CIAPIN1: variants seen among roughly 807,000 people sequenced by gnomAD.
CIAPIN1 encodes anamorsin.
CIAPIN1 carries 18 observed loss-of-function variants against 34.3 expected under a neutral mutation model. The ratio of observed to expected loss-of-function variants is 0.52; its 90% CI spans 0.36 to 0.78. The LOEUF is 0.78. Ranked by LOEUF, CIAPIN1 falls within the 30% of genes least tolerant of loss-of-function variation. The pLI, the probability that CIAPIN1 is intolerant of heterozygous loss-of-function variation, is 0.00. For synonymous variants in CIAPIN1, 131 were observed against 140.4 expected, an observed-to-expected ratio of 0.93 and a Z score of 0.47; for missense variants, 310 against 372.5, an observed-to-expected ratio of 0.83 and a Z score of 1.38.
chr16:57,444,128 A>C (rs2029957517), intron 1 of CIAPIN1, among the ~76,000 whole-genome samples: 1 of 152,224 alleles, frequency 6.6e-6, no homozygotes, highest in Non-Finnish European at 1.5e-5. Flanking sequence ...CCTTTTCAGC[A>C]ACATTTACGG....
chr16:57,446,403 G>T (rs75700677), intron 1 of CIAPIN1, among the ~76,000 whole-genome samples: 1 of 152,114 alleles, frequency 6.6e-6, no homozygotes. Context: ...GTGCAGGGGG[G>T]AGCCGGATAT....
intron 3 of CIAPIN1, among the ~76,000 whole-genome samples, chr16:57,437,195 G>A (rs1318845447): frequency 1.3e-5 from 2 of 151,918 alleles, no homozygotes; most frequent in African/African-American, 4.8e-5. Flanking sequence ...ACTTAATGAT[G>A]GTTCTACCTA....
At chr16:57,434,796 G>A (rs1163720512) in intron 4 of CIAPIN1, among the ~76,000 whole-genome samples, 2 of 152,004 alleles carry the variant, frequency 1.3e-5, no homozygotes, top group Non-Finnish European at 2.9e-5. Flanking sequence ...TCTAAGGGTG[G>A]GAAAAAAGGT....
intron 1 of CIAPIN1, among the ~76,000 whole-genome samples, chr16:57,446,926 G>T (rs1227450592): frequency 6.6e-6 from 1 of 152,210 alleles, no homozygotes; most frequent in African/African-American, 2.4e-5. Flanking sequence ...GTGCTTTGCT[G>T]CCAGGAACCC....
intron 6 of CIAPIN1, 144 bp downstream of exon 6, chr16:57,432,343 C>T: frequency 1.6e-6 from 1 of 608,578 alleles, no homozygotes; most frequent in Non-Finnish European, 2.8e-6. Flanking sequence ...GAGTTTCCTT[C>T]TAAATCAAAG....
chr16:57,444,679 A>G (rs1351959877), intron 1 of CIAPIN1, among the ~76,000 whole-genome samples: 3 of 152,244 alleles, frequency 2.0e-5, no homozygotes, highest in African/African-American at 7.2e-5. Flanking sequence ...TCAACCCTCA[A>G]AAAACAGGCA....
chr16:57,444,728 G>A (rs2029986263), intron 1 of CIAPIN1, among the ~76,000 whole-genome samples: 1 of 152,208 alleles, frequency 6.6e-6, no homozygotes, highest in African/African-American at 2.4e-5. Context: ...AAATAAAATA[G>A]GAGATAATAT....
rs780181194 is a variant in CIAPIN1 at position 57,440,963 on chromosome 16, CT to C, written c.-36del. 6.3e-7 allele frequency: 1 copy of C among 1,596,178 alleles called. No individual in the cohort carries two copies. The highest frequency in any genetic ancestry group is 1.1e-5 in the South Asian group (1 of 88,700). On this transcript the variant is annotated 5_prime_UTR_variant, in exon 2 of 9. Transcript: ENST00000394391. ...GCAGTACTGACAGACCTAAAAACTG[CT>C]GGCCAAAAGGGAATCAAGACTGGGC...
At chr16:57,429,734 C>T (rs190347629) in intron 8 of CIAPIN1, among the ~76,000 whole-genome samples, 3 of 151,326 alleles carry the variant, frequency 2.0e-5, no homozygotes, top group East Asian at 2.0e-4. Context: ...CCTCGTGATC[C>T]GCCCTCCTTG....
intron 3 of CIAPIN1, among the ~76,000 whole-genome samples, chr16:57,438,078 G>GT (rs1482041827): frequency 6.6e-6 from 1 of 152,136 alleles, no homozygotes; most frequent in African/African-American, 2.4e-5. Context: ...ATTTAGTCAT[G>GT]TAAGGTTTAA....
At chr16:57,434,383 A>G (rs1439304591) in intron 4 of CIAPIN1, among the ~76,000 whole-genome samples, 171 bp from the exon 5 acceptor site, 4 of 152,238 alleles carry the variant, frequency 2.6e-5, no homozygotes, top group Admixed American at 6.5e-5. Flanking sequence ...TCAGAACCCT[A>G]GAGTATAACC....
At chr16:57,430,408 C>A in intron 7 of CIAPIN1, 69 bp from the exon 8 acceptor site, 1 of 1,457,256 alleles carries the variant, frequency 6.9e-7, no homozygotes, top group Non-Finnish European at 9.6e-7. Context: ...CTAACAGTGC[C>A]AAAATGTGCT....
intron 5 of CIAPIN1, among the ~76,000 whole-genome samples, chr16:57,433,042 T>C (rs1903123756): frequency 6.6e-6 from 1 of 152,224 alleles, no homozygotes; most frequent in Non-Finnish European, 1.5e-5. Flanking sequence ...GAGGATTAAA[T>C]GAGAAATGTG....
chr16:57,438,543 C>CT (rs1257325701), intron 3 of CIAPIN1, among the ~76,000 whole-genome samples: 2 of 152,142 alleles, frequency 1.3e-5, no homozygotes, highest in African/African-American at 4.8e-5. Flanking sequence ...GTCCACATAA[C>CT]TTTTTCAGAT....
chr16:57,434,509 C>T (rs1260167170), intron 4 of CIAPIN1, among the ~76,000 whole-genome samples: 1 of 152,086 alleles, frequency 6.6e-6, no homozygotes, highest in East Asian at 1.9e-4. Context: ...TGAAAATGAA[C>T]CAGATGTGGT....
At chr16:57,432,621 A>C in intron 5 of CIAPIN1, 61 bp from the exon 6 acceptor site, 1 of 1,442,428 alleles carries the variant, frequency 6.9e-7, no homozygotes, top group Non-Finnish European at 9.7e-7. Context: ...TTAATTACAA[A>C]CATACATAAA....
At chr16:57,442,821 T>C (rs1397302245) in intron 1 of CIAPIN1, among the ~76,000 whole-genome samples, 1 of 152,224 alleles carries the variant, frequency 6.6e-6, no homozygotes, top group Non-Finnish European at 1.5e-5. Flanking sequence ...AAAGGTTTTA[T>C]TTGCTAGACT....
At chr16:57,433,286 A>C (rs1903128604) in intron 5 of CIAPIN1, among the ~76,000 whole-genome samples, 1 of 152,192 alleles carries the variant, frequency 6.6e-6, no homozygotes, top group Non-Finnish European at 1.5e-5. Flanking sequence ...TCTAGTGATC[A>C]TTGTCACAGC....
At chr16:57,433,998 C>T (rs1903144881) in intron 5 of CIAPIN1, 46 bp downstream of exon 5, 3 of 1,533,998 alleles carry the variant, frequency 2.0e-6, no homozygotes, top group Admixed American at 1.7e-5. Context: ...CTAACATGTC[C>T]CTCTAAGCCC....
Sources: gnomAD v4.1 joint callset for allele counts (sites outside exome capture counted in the v4.1 genomes callset) on GRCh38, gnomAD v4.1.1 for gene constraint, MANE v1.5 for transcripts, NCBI Gene and HGNC (gene_info 2026-07-23, HGNC 2026-07-21) for gene names.